The following RPS6KA1 variants were observed in gnomAD, a reference collection of about 807,000 sequenced individuals.
RPS6KA1 encodes ribosomal protein S6 kinase alpha-1.
RPS6KA1 carries 48 observed loss-of-function variants against 91.3 expected under a neutral mutation model. The observed-to-expected ratio is 0.53, with a 90% CI of 0.42 to 0.67. The LOEUF is 0.67. Ranked by LOEUF, RPS6KA1 falls within the 30% of genes least tolerant of loss-of-function variation. RPS6KA1 has a pLI of 0.00. For synonymous variants in RPS6KA1, 359 were observed against 384.7 expected (o/e 0.93, Z 0.78); for missense variants, 719 against 960.5 (o/e 0.75, Z 3.32).
chr1:26,529,931 C>G lies in RPS6KA1; in HGVS notation c.11C>G (p.Ala4Gly). 1 of 1,432,828 alleles carries G rather than the reference C, an allele frequency of 7.0e-7. No homozygotes were observed. The highest frequency in any genetic ancestry group is 1.3e-5 in the South Asian group (1 of 75,918). The allele number at this position is 1,432,828 out of a possible 1,614,324, so 88.8% of individuals were successfully genotyped here. The change falls in exon 1 of 22, where the codon GCC (alanine) becomes GGC (glycine). Residue 4 changes from alanine (A) to glycine (G), a missense_variant. By Grantham distance (60) the Ala-to-Gly change is moderately conservative. Around this residue, in one of 5 missense-constraint regions of RPS6KA1, gnomAD observed 57 missense variants for 55.8 expected, o/e 1.02. Transcript: ENST00000374168. This position sits in a 1 kb window ranked among gnomAD's most constrained non-coding sequence, Gnocchi z 4.2. ...CCTGGCGGCGGCGAGATGCCGCTCG[C>G]CCAGCTCAAGGAGCCCTGGCCGCTC... The part of the protein sequence containing the change: MPL[A>G]QLKEPWPLME...
At position 26,529,945 on chromosome 1, in the gene RPS6KA1, C is replaced by T. The variant is rs1357566028; in HGVS notation, c.25C>T (p.Pro9Ser). 1 of 1,433,768 alleles carries T rather than the reference C, an allele frequency of 7.0e-7. No homozygotes were observed. Among genetic ancestry groups the T allele is most frequent in the South Asian group, 1.3e-5 (1 of 75,742 alleles). The allele number at this position is 1,433,768 out of a possible 1,614,324, so 88.8% of individuals were successfully genotyped here. A position where few individuals can be genotyped will look rare whatever the true frequency, so the allele number is the denominator to read the frequency against. The change falls in exon 1 of 22, where the codon CCC becomes TCC. Residue 9 changes from proline to serine, a missense_variant. Physicochemically the swap from Pro to Ser is moderately conservative, Grantham distance 74. Around this residue, in one of 5 missense-constraint regions of RPS6KA1, gnomAD observed 57 missense variants for 55.8 expected, o/e 1.02. Coordinates refer to ENST00000374168, the MANE Select transcript of RPS6KA1 (RefSeq NM_002953.4). This position sits in a 1 kb window ranked among gnomAD's most constrained non-coding sequence, Gnocchi z 4.2. ...GATGCCGCTCGCCCAGCTCAAGGAGCCCTGGCCGCTCATGGAGCTAGTGCC... is the reference window on the plus strand; with the variant it reads ...GATGCCGCTCGCCCAGCTCAAGGAGTCCTGGCCGCTCATGGAGCTAGTGCC... MPLAQLKE[P>S]WPLMELVPLD...
intron 15 of RPS6KA1, 51 bp from the exon 16 acceptor site, chr1:26,560,994 G>A: frequency 6.2e-7 from 1 of 1,601,628 alleles, no homozygotes; most frequent in African/African-American, 1.3e-5. Flanking sequence ...GGCCAGAAAG[G>A]ACCCTGGACC....
intron 17 of RPS6KA1, among the ~76,000 whole-genome samples, chr1:26,562,825 C>CTTTTTTTTTTTTTTT (rs748764001): frequency 6.1e-5 from 5 of 81,444 alleles, no homozygotes; most frequent in African/African-American, 2.5e-4. Flanking sequence ...TCCTATTGTC[C>CTTTTTTTTTTTTTTT]TTTTTTTTTT....
chr1:26,549,068 G>A (rs1048361011), intron 4 of RPS6KA1, among the ~76,000 whole-genome samples: 2 of 150,684 alleles, frequency 1.3e-5, no homozygotes, highest in African/African-American at 4.9e-5. Context: ...ATAAGCAGCT[G>A]TGAGCATCAA....
chr1:26,567,088 C>T (rs1011113020), intron 17 of RPS6KA1, among the ~76,000 whole-genome samples: 8 of 151,930 alleles, frequency 5.3e-5, no homozygotes, highest in Non-Finnish European at 1.0e-4. Flanking sequence ...ATGATCATGG[C>T]TCACTGCAGC....
rs1467440433 is a variant in RPS6KA1 at position 26,555,131 on chromosome 1, T to C, written c.757-20T>C. The C allele has an allele frequency of 5.6e-6, 9 of 1,612,238 alleles. No homozygotes were observed. The highest frequency in any genetic ancestry group is 6.8e-6 in the Non-Finnish European group (8 of 1,178,452). On this transcript the variant is annotated intron_variant, in intron 9 of 21. Transcript: ENST00000374168. The surrounding 1 kb of genome is among the most constrained non-coding windows in gnomAD (Gnocchi z 4.3). The stretch of plus-strand genomic sequence containing the variant: ...TCGGAGACAGGGATCAGAGCCTGAA[T>C]AGATCCTTGTCCTCTGCAGTTTGAG...
intron 14 of RPS6KA1, among the ~76,000 whole-genome samples, chr1:26,559,224 G>A (rs540920707): frequency 2.6e-4 from 39 of 152,322 alleles, no homozygotes; most frequent in African/African-American, 9.1e-4. Flanking sequence ...CATAAGTGTA[G>A]CGAAGGACTT....
chr1:26,561,951 C>T lies in RPS6KA1; in HGVS notation c.1590+288C>T, dbSNP rs1193193178. On this transcript the variant is annotated intron_variant, in intron 17 of 21. Coordinates refer to ENST00000374168, the MANE Select transcript of RPS6KA1 (RefSeq NM_002953.4). This position sits in a 1 kb window ranked among gnomAD's most constrained non-coding sequence, Gnocchi z 5.7. ...GGCATGGTAGCTCACGCCTGTAATC[C>T]CAGCAACTTGGGAGGGCAACGCAGG... 6.6e-6 allele frequency among the ~76,000 whole-genome samples: 1 copy of T among 152,200 alleles called. No individual in the cohort carries two copies. Among genetic ancestry groups the T allele is most frequent in the East Asian group, 1.9e-4 (1 of 5,188 alleles).
intron 14 of RPS6KA1, 122 bp from the exon 15 acceptor site, chr1:26,560,604 C>A: frequency 7.8e-7 from 1 of 1,287,070 alleles, no homozygotes; most frequent in Non-Finnish European, 1.1e-6. Flanking sequence ...GGCCAACACT[C>A]TACCCCAAGT....
At chr1:26,572,079 G>A in intron 19 of RPS6KA1, 97 bp from the exon 20 acceptor site, 3 of 1,308,074 alleles carry the variant, frequency 2.3e-6, no homozygotes, top group South Asian at 2.4e-5. Context: ...TACCTTGGGA[G>A]TACCCCATCT....
chr1:26,546,098 G>A, intron 2 of RPS6KA1: 1 of 1,575,486 alleles, frequency 6.3e-7, no homozygotes, highest in Non-Finnish European at 8.6e-7. Flanking sequence ...TGCCTGGGAA[G>A]CCAGCTTAAC....
intron 2 of RPS6KA1, chr1:26,543,268 T>C (rs1397944478): frequency 7.1e-6 from 10 of 1,410,126 alleles, no homozygotes; most frequent in Non-Finnish European, 8.7e-6. Context: ...TCACCATGAC[T>C]GGGCAAGGAA....
chr1:26,533,171 C>G (rs2075880040), intron 1 of RPS6KA1, among the ~76,000 whole-genome samples: 1 of 152,156 alleles, frequency 6.6e-6, no homozygotes, highest in Non-Finnish European at 1.5e-5. Context: ...CCTCCACCTC[C>G]CGGGTTCAAG....
At chr1:26,545,162 CTTTCTTTTTCTT>C (rs1310137214) in intron 2 of RPS6KA1, among the ~76,000 whole-genome samples, 1 of 151,108 alleles carries the variant, frequency 6.6e-6, no homozygotes, top group African/African-American at 2.4e-5. Context: ...GGATGCCATT[CTTTCTTTTTCTT>C]TTTCTTTTTT....
intron 4 of RPS6KA1, among the ~76,000 whole-genome samples, chr1:26,548,813 A>G (rs1395854164): frequency 2.6e-4 from 40 of 152,096 alleles, no homozygotes; most frequent in Non-Finnish European, 2.9e-5. Flanking sequence ...AAAAAAAAAA[A>G]AGAAAAAAGA....
rs573117349 is a variant in RPS6KA1 at position 26,551,256 on chromosome 1, G to C, written c.308-141G>C. ...GGCAAGGAGGAAACCTGAGGATTGAGTGTCCCCAAAGCCCTGGGTGAGGGG... is the reference window on the plus strand; with the variant it reads ...GGCAAGGAGGAAACCTGAGGATTGACTGTCCCCAAAGCCCTGGGTGAGGGG... On this transcript the variant is annotated intron_variant, in intron 4 of 21. Coordinates refer to ENST00000374168, the MANE Select transcript of RPS6KA1 (RefSeq NM_002953.4). The surrounding 1 kb of genome is among the most constrained non-coding windows in gnomAD (Gnocchi z 4.5). The C allele has an allele frequency of 1.7e-4, 119 of 681,982 alleles. 1 individual carries two copies. In the African/African-American group the frequency reaches 1.9e-3, roughly 11 times the overall value. 42.2% of individuals were successfully genotyped at this position (681,982 alleles called of 1,614,324 possible).
Position 26,559,700 on chromosome 1 carries a change from C to G in RPS6KA1, c.1215+763C>G, listed in dbSNP as rs185439974. Among the ~76,000 whole-genome samples the G allele has an allele frequency of 3.2e-3, 481 of 152,196 alleles. 2 individuals are homozygous for G. Among genetic ancestry groups the G allele is most frequent in the African/African-American group, 0.011 (459 of 41,502 alleles). ...GATAATGGACTTTGGATGAGATACTCCCTTCCTCGTGCCTCAGTTTCCTCA... is the reference window on the plus strand; with the variant it reads ...GATAATGGACTTTGGATGAGATACTGCCTTCCTCGTGCCTCAGTTTCCTCA... On this transcript the variant is annotated intron_variant, in intron 14 of 21. Transcript: ENST00000374168.
At chr1:26,549,571 T>TA (rs1262745240) in intron 4 of RPS6KA1, among the ~76,000 whole-genome samples, 4 of 149,904 alleles carry the variant, frequency 2.7e-5, no homozygotes, top group Admixed American at 6.7e-5. Context: ...CCTGTCCCAT[T>TA]AAAAAAAAGT....
chr1:26,536,776 AG>A, intron 1 of RPS6KA1, 148 bp from the exon 2 acceptor site: 1 of 758,744 alleles, frequency 1.3e-6, no homozygotes, highest in South Asian at 1.6e-5. Flanking sequence ...ATGAAAGTGG[AG>A]GTGGAGGGAC....
Sources: gnomAD v4.1 joint callset for allele counts (sites outside exome capture counted in the v4.1 genomes callset) on GRCh38, gnomAD v4.1.1 for gene constraint, gnomAD v4.1.1 regional missense constraint, Gnocchi (gnomAD v3.1) non-coding constraint, MANE v1.5 for transcripts, NCBI Gene and HGNC (gene_info 2026-07-23, HGNC 2026-07-21) for gene names.